The following CCDC7 variants were observed in gnomAD, a reference collection of about 807,000 sequenced individuals.
CCDC7 encodes the protein coiled-coil domain-containing protein 7.
CCDC7 carries 183 observed loss-of-function variants against 196.9 expected under a neutral mutation model. The ratio of observed to expected loss-of-function variants is 0.93; its 90% CI spans 0.82 to 1.05. The LOEUF is 1.05. Among genes scored for constraint, CCDC7 ranks in the 50% least tolerant of loss-of-function variants. The pLI, the probability that CCDC7 is intolerant of heterozygous loss-of-function variation, is 0.00. For missense variants in CCDC7, 1,540 were observed against 1,482.2 expected (o/e 1.04, Z -0.64); for synonymous variants, 525 against 484.6 (o/e 1.08, Z -1.10).
At chr10:32,575,768 T>G (rs1005591734) in intron 16 of CCDC7, among the ~76,000 whole-genome samples, 8 of 152,122 alleles carry the variant, frequency 5.3e-5, no homozygotes, top group African/African-American at 1.9e-4. Context: ...TAAATAAAGA[T>G]TTGCCTCACT....
intron 33 of CCDC7, among the ~76,000 whole-genome samples, chr10:32,838,997 A>C (rs781688899): frequency 2.0e-5 from 3 of 151,990 alleles, no homozygotes; most frequent in Non-Finnish European, 4.4e-5. Context: ...CTAAATCTTG[A>C]AACAAACCCT....
At chr10:32,629,178 G>A (rs1307880256) in intron 18 of CCDC7, among the ~76,000 whole-genome samples, 2 of 151,928 alleles carry the variant, frequency 1.3e-5, no homozygotes, top group African/African-American at 4.8e-5. Flanking sequence ...TAGGTTCTCC[G>A]GTATTTACAG....
intron 29 of CCDC7, among the ~76,000 whole-genome samples, chr10:32,779,975 C>T (rs2080778582): frequency 6.6e-6 from 1 of 152,198 alleles, no homozygotes; most frequent in African/African-American, 2.4e-5. Flanking sequence ...CGCAGTGGCT[C>T]ACGCCTGTAA....
At chr10:32,480,502 A>G (rs747343537) in intron 8 of CCDC7, among the ~76,000 whole-genome samples, 2 of 151,898 alleles carry the variant, frequency 1.3e-5, no homozygotes, top group Non-Finnish European at 2.9e-5. Context: ...GTAGGTTTTT[A>G]TTGCTATAAT....
chr10:32,799,116 C>A (rs1161568896), intron 29 of CCDC7, among the ~76,000 whole-genome samples: 1 of 152,182 alleles, frequency 6.6e-6, no homozygotes, highest in African/African-American at 2.4e-5. Context: ...GGTCAGAAAG[C>A]ACCCAGTTCA....
intron 20 of CCDC7, among the ~76,000 whole-genome samples, chr10:32,656,277 A>G (rs1355490019): frequency 6.6e-6 from 1 of 152,248 alleles, no homozygotes; most frequent in Admixed American, 6.5e-5. Context: ...TGTCAAAGAG[A>G]TATCAGCAAT....
At chr10:32,500,331 G>A (rs1458980226) in intron 9 of CCDC7, among the ~76,000 whole-genome samples, 2 of 150,968 alleles carry the variant, frequency 1.3e-5, no homozygotes, top group Non-Finnish European at 3.0e-5. Context: ...CTTCTCGGAC[G>A]GGGCGGCCGG....
intron 5 of CCDC7, among the ~76,000 whole-genome samples, chr10:32,463,871 T>C (rs1293162385): frequency 6.6e-6 from 1 of 152,204 alleles, no homozygotes; most frequent in African/African-American, 2.4e-5. Context: ...TTGACTGACA[T>C]TGGAAAAGTG....
intron 9 of CCDC7, 113 bp from the exon 11 acceptor site, chr10:32,517,832 C>G (rs1383739191): frequency 8.8e-7 from 1 of 1,140,060 alleles, no homozygotes; most frequent in Non-Finnish European, 1.2e-6. Flanking sequence ...CAGAATAAAA[C>G]AGCAGCAACT....
At chr10:32,654,004 A>G (rs964820288) in intron 20 of CCDC7, among the ~76,000 whole-genome samples, 3 of 152,072 alleles carry the variant, frequency 2.0e-5, no homozygotes, top group Non-Finnish European at 4.4e-5. Flanking sequence ...GGCTCTGTTA[A>G]TTTGCTTCAT....
chr10:32,815,737 A>G (rs1316871763), intron 31 of CCDC7, among the ~76,000 whole-genome samples: 3 of 152,220 alleles, frequency 2.0e-5, no homozygotes, highest in Non-Finnish European at 2.9e-5. Context: ...AAAATGTACA[A>G]TGCATCAAGA....
In CCDC7 at chr10:32,845,652, ATAT is replaced by A. The variant is rs1180658291; in HGVS notation, c.3520+28_3520+30del. On this transcript the variant is annotated intron_variant, in intron 35 of 41. Coordinates refer to ENST00000639629, the Ensembl canonical transcript of CCDC7. ...GTAAGAGAAAACAATTTCAAGACTA[ATAT>A]TTATGGTTTATTTATATTCCTGGAG... The A allele has an allele frequency of 2.6e-6, 4 of 1,552,526 alleles. No individual in the cohort carries two copies. The South Asian group carries it at 4.5e-5, about 17-fold the overall frequency.
intron 23 of CCDC7, among the ~76,000 whole-genome samples, chr10:32,692,003 T>C (rs1251005446): frequency 6.6e-6 from 1 of 152,202 alleles, no homozygotes; most frequent in Non-Finnish European, 1.5e-5. Flanking sequence ...AGTGATAAGC[T>C]CCACAATATG....
At chr10:32,793,597 C>T (rs2083070423) in intron 29 of CCDC7, among the ~76,000 whole-genome samples, 1 of 152,162 alleles carries the variant, frequency 6.6e-6, no homozygotes, top group African/African-American at 2.4e-5. Flanking sequence ...GTATCCCATA[C>T]ATTTGGTATG....
chr10:32,814,667 T>A (rs2087981523), intron 31 of CCDC7, among the ~76,000 whole-genome samples: 1 of 152,156 alleles, frequency 6.6e-6, no homozygotes, highest in Non-Finnish European at 1.5e-5. Context: ...ATGGATGTGA[T>A]AAGAAGATGA....
At chr10:32,845,422 T>C in intron 34 of CCDC7, 96 bp downstream of exon 35, 1 of 1,203,048 alleles carries the variant, frequency 8.3e-7, no homozygotes, top group Admixed American at 2.2e-5. Flanking sequence ...ACTACCTATA[T>C]TATAGTGTTA....
intron 2 of CCDC7, among the ~76,000 whole-genome samples, chr10:32,455,816 C>T (rs1197777617): frequency 6.6e-6 from 1 of 152,038 alleles, no homozygotes. Flanking sequence ...TGTGTATTGC[C>T]CATTAGGTGA....
At chr10:32,778,873 T>C in intron 28 of CCDC7, 104 bp from the exon 30 acceptor site, 1 of 770,944 alleles carries the variant, frequency 1.3e-6, no homozygotes, top group South Asian at 1.7e-5. Context: ...TTTGCAGTTC[T>C]CGTTGTAGAG....
At chr10:32,529,971 T>C (rs1214554082) in intron 11 of CCDC7, among the ~76,000 whole-genome samples, 1 of 152,206 alleles carries the variant, frequency 6.6e-6, no homozygotes, top group Non-Finnish European at 1.5e-5. Flanking sequence ...GAGGATCCAG[T>C]TACATTCTCT....
Sources: gnomAD v4.1 joint callset for allele counts (sites outside exome capture counted in the v4.1 genomes callset) on GRCh38, gnomAD v4.1.1 for gene constraint, MANE v1.5 for transcripts, NCBI Gene and HGNC (gene_info 2026-07-23, HGNC 2026-07-21) for gene names.